LHFPL2: variants seen among roughly 807,000 people sequenced by gnomAD.
LHFPL2 encodes the protein LHFPL tetraspan subfamily member 2 protein.
A neutral mutation model predicts 17.5 loss-of-function variants in LHFPL2; 7 were observed. That is an observed-to-expected ratio of 0.40 (90% confidence interval 0.23 to 0.75). The LOEUF (loss-of-function observed/expected upper bound fraction) is 0.75. Ranked by LOEUF, LHFPL2 falls within the 30% of genes least tolerant of loss-of-function variation. The pLI is 0.37. For missense variants in LHFPL2, 241 were observed against 294.8 expected (o/e 0.82, Z 1.34); for synonymous variants, 134 against 116.2 (o/e 1.15, Z -0.99).
At chr5:78,634,121 A>C (rs74366866) in intron 1 of LHFPL2, among the ~76,000 whole-genome samples, 2 of 152,100 alleles carry the variant, frequency 1.3e-5, no homozygotes, top group African/African-American at 4.8e-5. Context: ...CCCTCCCCCC[A>C]AAAAAAGCAT....
At chr5:78,516,443 C>CA (rs1755293758) in intron 3 of LHFPL2, among the ~76,000 whole-genome samples, 1 of 152,110 alleles carries the variant, frequency 6.6e-6, no homozygotes, top group African/African-American at 2.4e-5. Context: ...TTGGGGCTGT[C>CA]ACAGCTGTGG....
At chr5:78,538,543 T>C (rs1429296240) in intron 3 of LHFPL2, among the ~76,000 whole-genome samples, 2 of 152,130 alleles carry the variant, frequency 1.3e-5, no homozygotes, top group East Asian at 3.8e-4. Context: ...CTCCAATACT[T>C]CATATTGCCT....
intron 3 of LHFPL2, among the ~76,000 whole-genome samples, chr5:78,528,294 G>C (rs1372641768): frequency 2.0e-5 from 3 of 152,216 alleles, no homozygotes; most frequent in Non-Finnish European, 4.4e-5. Flanking sequence ...TAGGAACTGG[G>C]CTGCACAGCA....
intron 4 of LHFPL2, among the ~76,000 whole-genome samples, chr5:78,491,832 A>C (rs964114018): frequency 3.3e-5 from 5 of 152,344 alleles, no homozygotes; most frequent in Non-Finnish European, 4.4e-5. Flanking sequence ...CCTCTCACAC[A>C]GAAGCAGATC....
At chr5:78,504,926 G>C (rs1754887568) in intron 4 of LHFPL2, among the ~76,000 whole-genome samples, 1 of 152,222 alleles carries the variant, frequency 6.6e-6, no homozygotes, top group South Asian at 2.1e-4. Flanking sequence ...GGAGGGAGTA[G>C]AGTGTGAGAG....
intron 2 of LHFPL2, among the ~76,000 whole-genome samples, chr5:78,627,971 GT>G (rs1386196052): frequency 6.6e-6 from 1 of 152,194 alleles, no homozygotes; most frequent in Admixed American, 6.5e-5. Flanking sequence ...GGAATGCCAT[GT>G]TCCTGAGTAG....
chr5:78,500,506 A>AGT (rs1337703544), intron 4 of LHFPL2, among the ~76,000 whole-genome samples: 2 of 152,114 alleles, frequency 1.3e-5, no homozygotes. Context: ...GGGAGGCAAG[A>AGT]TCTCTTCCTT....
At chr5:78,646,379 T>A (rs892295282) in intron 1 of LHFPL2, among the ~76,000 whole-genome samples, 1 of 152,258 alleles carries the variant, frequency 6.6e-6, no homozygotes, top group African/African-American at 2.4e-5. Context: ...TTGGAATACC[T>A]GATAATCATC....
chr5:78,515,067 T>A (rs988747807), intron 3 of LHFPL2, among the ~76,000 whole-genome samples: 1 of 152,170 alleles, frequency 6.6e-6, no homozygotes, highest in Non-Finnish European at 1.5e-5. Flanking sequence ...CATTTTCCTA[T>A]ATAACCACAA....
intron 3 of LHFPL2, among the ~76,000 whole-genome samples, chr5:78,558,219 T>C (rs1756632492): frequency 6.6e-6 from 1 of 152,260 alleles, no homozygotes; most frequent in African/African-American, 2.4e-5. Context: ...TATTTACCTA[T>C]GTTAACAAGC....
chr5:78,619,289 A>C (rs1744739698), intron 2 of LHFPL2, among the ~76,000 whole-genome samples: 2 of 152,018 alleles, frequency 1.3e-5, no homozygotes, highest in Admixed American at 6.5e-5. Flanking sequence ...TGGCCTCCCA[A>C]AGTGCTGGGA....
chr5:78,562,471 C>T (rs1756753932), intron 3 of LHFPL2, among the ~76,000 whole-genome samples: 1 of 152,060 alleles, frequency 6.6e-6, no homozygotes, highest in African/African-American at 2.4e-5. Context: ...CCAGTCTCTG[C>T]TAAAAATACA....
At position 78,601,539 on chromosome 5, in the gene LHFPL2, T is replaced by G. The variant is rs180956510; in HGVS notation, c.-245+30725A>C. Among the ~76,000 whole-genome samples, 91 of 152,330 alleles carry G rather than the reference T, an allele frequency of 6.0e-4. No homozygotes were observed. The Middle Eastern group carries it at 0.01, about 17-fold the overall frequency. ...CTGTTTTTATTCTTTAAGAACAAAC[T>G]AATAACGAGTAAATCTAATAAGACT... On this transcript the variant is annotated intron_variant, in intron 2 of 4. Coordinates refer to ENST00000380345, the MANE Select transcript of LHFPL2 (RefSeq NM_005779.3).
At chr5:78,641,092 T>C (rs536710441) in intron 1 of LHFPL2, among the ~76,000 whole-genome samples, 20 of 152,264 alleles carry the variant, frequency 1.3e-4, no homozygotes, top group African/African-American at 4.3e-4. Context: ...AGGAAGGGTG[T>C]GCAAAGCAGT....
intron 4 of LHFPL2, among the ~76,000 whole-genome samples, chr5:78,489,494 C>T (rs1207562087): frequency 6.6e-6 from 1 of 152,156 alleles, no homozygotes; most frequent in Non-Finnish European, 1.5e-5. Flanking sequence ...CACTTGAACT[C>T]CTGGGCTCAA....
intron 2 of LHFPL2, among the ~76,000 whole-genome samples, chr5:78,611,754 AT>A (rs904904515): frequency 2.6e-5 from 4 of 152,236 alleles, no homozygotes; most frequent in African/African-American, 7.2e-5. Flanking sequence ...CCTAATTTAC[AT>A]TTTTAAGAAT....
intron 4 of LHFPL2, among the ~76,000 whole-genome samples, 163 bp downstream of exon 4, chr5:78,509,621 G>A (rs1377973730): frequency 1.3e-5 from 2 of 152,188 alleles, no homozygotes; most frequent in Admixed American, 1.3e-4. Flanking sequence ...CATGCGAGCA[G>A]CACACAAACG....
At chr5:78,528,949 A>G (rs777745558) in intron 3 of LHFPL2, among the ~76,000 whole-genome samples, 1 of 152,182 alleles carries the variant, frequency 6.6e-6, no homozygotes, top group African/African-American at 2.4e-5. Flanking sequence ...GCCAAATGTT[A>G]ATTGGCAGAG....
chr5:78,604,088 T>C (rs560530752), intron 2 of LHFPL2, among the ~76,000 whole-genome samples: 2 of 152,292 alleles, frequency 1.3e-5, no homozygotes, highest in East Asian at 3.9e-4. Context: ...TGCAGATACA[T>C]GGAATGTAAA....
Sources: allele counts gnomAD v4.1 joint callset (sites outside exome capture counted in the v4.1 genomes callset), GRCh38; gene constraint gnomAD v4.1.1; transcripts MANE v1.5; gene names NCBI Gene and HGNC (gene_info 2026-07-23, HGNC 2026-07-21).